Variants in CCSER1 observed in about 807,000 individuals in gnomAD.
CCSER1 encodes the protein coiled-coil serine rich protein 1, also known as serine-rich coiled-coil domain-containing protein 1.
CCSER1 carries 41 observed loss-of-function variants against 82.0 expected under a neutral mutation model. The ratio of observed to expected loss-of-function variants is 0.50; its 90% CI spans 0.39 to 0.65. The LOEUF (loss-of-function observed/expected upper bound fraction) is 0.65, where lower values mean the gene tolerates loss of function less well. Ranked by LOEUF, CCSER1 falls within the 30% of genes least tolerant of loss-of-function variation. The pLI is 0.00. For missense variants in CCSER1, 1,119 were observed against 1,064.2 expected, an observed-to-expected ratio of 1.05 and a Z score of -0.72; for synonymous variants, 414 against 383.9, an observed-to-expected ratio of 1.08 and a Z score of -0.92.
At chr4:91,310,833 A>G (rs1183221075) in intron 10 of CCSER1, among the ~76,000 whole-genome samples, 2 of 151,980 alleles carry the variant, frequency 1.3e-5, no homozygotes, top group East Asian at 3.9e-4. Context: ...TTCTTAAAAC[A>G]TTCTGAGACT....
At chr4:90,381,164 A>T (rs555105550) in intron 3 of CCSER1, among the ~76,000 whole-genome samples, 1 of 152,350 alleles carries the variant, frequency 6.6e-6, no homozygotes, top group South Asian at 2.1e-4. Flanking sequence ...AGCCTGGGAA[A>T]CCAGTGCTGA....
intron 7 of CCSER1, among the ~76,000 whole-genome samples, chr4:90,735,328 T>C (rs1465239124): frequency 1.3e-5 from 2 of 152,120 alleles, no homozygotes; most frequent in African/African-American, 4.8e-5. Flanking sequence ...CAAGGTAATA[T>C]TGGCCTCATA....
chr4:91,416,486 T>A (rs1375462537), intron 10 of CCSER1, among the ~76,000 whole-genome samples: 2 of 152,044 alleles, frequency 1.3e-5, no homozygotes, highest in Admixed American at 6.6e-5. Context: ...CAAAACAGCA[T>A]GACACTGACA....
intron 9 of CCSER1, among the ~76,000 whole-genome samples, chr4:91,010,766 C>CT (rs1311579888): frequency 1.5e-5 from 2 of 133,666 alleles, no homozygotes; most frequent in Admixed American, 7.4e-5. Context: ...CTGCTTGTTT[C>CT]TTTTTTATAT....
At chr4:91,098,287 T>C (rs546821593) in intron 10 of CCSER1, among the ~76,000 whole-genome samples, 2 of 152,322 alleles carry the variant, frequency 1.3e-5, no homozygotes, top group East Asian at 3.9e-4. Flanking sequence ...TACTTGAAAT[T>C]GAAAATCATT....
intron 5 of CCSER1, among the ~76,000 whole-genome samples, chr4:90,605,009 A>AC (rs1784478781): frequency 9.3e-6 from 1 of 107,186 alleles, no homozygotes; most frequent in Non-Finnish European, 1.7e-5. Flanking sequence ...CTCCGCTTCC[A>AC]CGTGTGGGAG....
At chr4:91,063,879 A>C (rs1455057450) in intron 9 of CCSER1, among the ~76,000 whole-genome samples, 2 of 152,210 alleles carry the variant, frequency 1.3e-5, no homozygotes, top group Non-Finnish European at 2.9e-5. Context: ...TCTCAATGAC[A>C]TTAAATGATT....
chr4:91,463,765 T>G (rs574262277), intron 10 of CCSER1, among the ~76,000 whole-genome samples: 1 of 152,116 alleles, frequency 6.6e-6, no homozygotes, highest in South Asian at 2.1e-4. Context: ...TGATTGAAGA[T>G]CAAATGAATG....
At chr4:90,917,490 A>T (rs116402225) in intron 8 of CCSER1, among the ~76,000 whole-genome samples, 1 of 152,092 alleles carries the variant, frequency 6.6e-6, no homozygotes, top group Non-Finnish European at 1.5e-5. Flanking sequence ...CAGGAAGGGG[A>T]CATCACACAC....
chr4:90,645,462 A>G (rs898749007), intron 6 of CCSER1, among the ~76,000 whole-genome samples: 6 of 152,204 alleles, frequency 3.9e-5, no homozygotes, highest in Admixed American at 3.9e-4. Flanking sequence ...ATCTATACTT[A>G]TAGTCTTCAA....
At chr4:90,734,391 G>C (rs1025318468) in intron 7 of CCSER1, among the ~76,000 whole-genome samples, 1 of 152,022 alleles carries the variant, frequency 6.6e-6, no homozygotes, top group African/African-American at 2.4e-5. Context: ...TCCCTAATCT[G>C]TAGATTTCTT....
At chr4:90,755,594 C>A (rs1200747283) in intron 7 of CCSER1, among the ~76,000 whole-genome samples, 4 of 152,140 alleles carry the variant, frequency 2.6e-5, no homozygotes, top group Non-Finnish European at 5.9e-5. Context: ...TGAACGTATT[C>A]TGCTTAATAC....
At chr4:91,043,166 A>C (rs1359798669) in intron 9 of CCSER1, among the ~76,000 whole-genome samples, 1 of 152,152 alleles carries the variant, frequency 6.6e-6, no homozygotes, top group Non-Finnish European at 1.5e-5. Flanking sequence ...AATAACTTAA[A>C]AACAACTTTT....
intron 10 of CCSER1, among the ~76,000 whole-genome samples, chr4:91,232,837 T>C (rs1738725509): frequency 6.6e-6 from 1 of 151,790 alleles, no homozygotes; most frequent in South Asian, 2.1e-4. Flanking sequence ...TATTTGGTGT[T>C]AGAAAATTGA....
At chr4:90,521,804 C>T (rs1449883077) in intron 5 of CCSER1, among the ~76,000 whole-genome samples, 5 of 151,956 alleles carry the variant, frequency 3.3e-5, no homozygotes, top group African/African-American at 1.2e-4. Context: ...AGTTCCAGGC[C>T]TTTCTGAAAC....
intron 1 of CCSER1, among the ~76,000 whole-genome samples, chr4:90,210,418 C>G (rs1363931453): frequency 6.6e-6 from 1 of 150,644 alleles, no homozygotes; most frequent in African/African-American, 2.4e-5. Flanking sequence ...TTCAGGTATT[C>G]TGCTATCATT....
intron 6 of CCSER1, among the ~76,000 whole-genome samples, chr4:90,722,643 C>T (rs905482652): frequency 7.2e-5 from 11 of 151,822 alleles, no homozygotes; most frequent in African/African-American, 2.7e-4. Flanking sequence ...TACCTAATTT[C>T]CTTCTTTAGA....
chr4:90,586,099 G>A lies in CCSER1; in HGVS notation c.1725-41926G>A, dbSNP rs186575116. Among the ~76,000 whole-genome samples the A allele has an allele frequency of 1.8e-4, 27 of 152,286 alleles. No homozygotes were observed. The East Asian group carries it at 5.0e-3, about 28-fold the overall frequency. On this transcript the variant is annotated intron_variant, in intron 5 of 10. Transcript: ENST00000509176. ...TGTTAGGAACCGGGCTGCACAGCAG[G>A]AGGTGAGTGGTGGGTGAGCGAGCAT...
At chr4:91,306,370 A>G (rs1745073113) in intron 10 of CCSER1, among the ~76,000 whole-genome samples, 1 of 151,994 alleles carries the variant, frequency 6.6e-6, no homozygotes, top group Non-Finnish European at 1.5e-5. Context: ...TCTAAAACAG[A>G]TTCTTCTTCT....
Sources: gnomAD v4.1 joint callset for allele counts (sites outside exome capture counted in the v4.1 genomes callset) on GRCh38, gnomAD v4.1.1 for gene constraint, MANE v1.5 for transcripts, NCBI Gene and HGNC (gene_info 2026-07-23, HGNC 2026-07-21) for gene names.